Variants in GRHPR observed in about 807,000 individuals in gnomAD.
GRHPR encodes the protein glyoxylate reductase/hydroxypyruvate reductase.
In GRHPR, 35 loss-of-function variants were observed where a neutral mutation model predicts 36.8. That is an observed-to-expected ratio of 0.95 (90% CI 0.73 to 1.26). The LOEUF (loss-of-function observed/expected upper bound fraction) is 1.26. GRHPR is among the 50% of genes most tolerant of loss of function. The pLI, the probability that GRHPR is intolerant of heterozygous loss-of-function variation, is 0.00. For synonymous variants in GRHPR, 179 were observed against 181.0 expected, an observed-to-expected ratio of 0.99 and a Z score of 0.09; for missense variants, 380 against 435.0, an observed-to-expected ratio of 0.87 and a Z score of 1.12.
intron 4 of GRHPR, among the ~76,000 whole-genome samples, chr9:37,427,001 T>C (rs1466909539): frequency 4.0e-5 from 6 of 151,564 alleles, no homozygotes; most frequent in Non-Finnish European, 8.8e-5. Context: ...TTGGCTCTGC[T>C]CAGCACTGGA....
chr9:37,423,313 GCAAA>G (rs904025776), intron 1 of GRHPR, among the ~76,000 whole-genome samples: 9 of 149,986 alleles, frequency 6.0e-5, no homozygotes, highest in African/African-American at 2.2e-4. Context: ...GACTACAGGC[GCAAA>G]CAATCACTAC....
chr9:37,422,895 CGGGGCGTTTGGGCCTTGTGGCCGGCT>C, intron 1 of GRHPR, 62 bp downstream of exon 1: 2 of 1,276,008 alleles, frequency 1.6e-6, no homozygotes, highest in Middle Eastern at 2.6e-4. Context: ...GAGAGCCGGG[CGGGGCGTTTGGGCCTTGTGGCCGGCT>C]GGGGCAGGCT....
chr9:37,437,084 C>T (rs1048052550), downstream of GRHPR: 22 of 379,228 alleles, frequency 5.8e-5, no homozygotes, highest in Admixed American at 7.0e-4. Flanking sequence ...GGAGGCTGAG[C>T]GGGAAGGATC....
rs1180918113 is a variant in GRHPR, at chr9:37,432,075, C to A, written c.802C>A (p.Leu268Met). The A allele has an allele frequency of 1.2e-6, 2 of 1,614,010 alleles. No individual in the cohort carries two copies. Among genetic ancestry groups the A allele is most frequent in the Non-Finnish European group, 1.7e-6 (2 of 1,179,844 alleles). ...LASGKIAAAG[L>M]DVTSPEPLPT... ...CAGTGGTAAGATTGCAGCTGCTGGACTGGATGTGACGAGCCCAGAACCACT... is the reference window on the plus strand; with the variant it reads ...CAGTGGTAAGATTGCAGCTGCTGGAATGGATGTGACGAGCCCAGAACCACT... Residue 268 changes from leucine (L) to methionine (M), a missense_variant, in exon 8 of 9, where the codon CTG (leucine) becomes ATG (methionine). Leu to Met is a conservative substitution (Grantham distance 15, BLOSUM62 2). Transcript: ENST00000318158.
intron 5 of GRHPR, 98 bp from the exon 6 acceptor site, chr9:37,429,634 A>G (rs769180520): frequency 2.2e-5 from 19 of 845,322 alleles, no homozygotes; most frequent in Non-Finnish European, 3.9e-5. Context: ...TGTGCTGATG[A>G]AAAGGGTCTG....
intron 4 of GRHPR, among the ~76,000 whole-genome samples, 172 bp downstream of exon 4, chr9:37,426,826 C>T (rs536421184): frequency 2.7e-4 from 41 of 152,186 alleles, no homozygotes; most frequent in African/African-American, 9.9e-4. Flanking sequence ...TGGTGGGTCC[C>T]TGTAATCCCA....
At chr9:37,438,551 C>G (rs186280639), downstream of GRHPR, 1 of 152,234 alleles carries the variant, frequency 6.6e-6, no homozygotes, top group African/African-American at 2.4e-5. Flanking sequence ...CAGAGGTAAG[C>G]GGGCAGGCTC....
downstream of GRHPR, chr9:37,439,456 A>T (rs1446604760): frequency 6.6e-6 from 1 of 152,256 alleles, no homozygotes; most frequent in Admixed American, 6.5e-5. Flanking sequence ...GTACTGTTAA[A>T]AGTATAGTAT....
chr9:37,426,447 G>C (rs1476992385), intron 3 of GRHPR, 91 bp from the exon 4 acceptor site: 1 of 895,668 alleles, frequency 1.1e-6, no homozygotes, highest in African/African-American at 1.6e-5. Context: ...AGATCAAAGA[G>C]GGAGCAAAGT....
chr9:37,424,518 C>A (rs1235156214), intron 1 of GRHPR, among the ~76,000 whole-genome samples: 1 of 152,230 alleles, frequency 6.6e-6, no homozygotes, highest in Non-Finnish European at 1.5e-5. Flanking sequence ...GCACACCCTG[C>A]CCCCCACGGG....
At chr9:37,428,415 C>T (rs1311943729) in intron 4 of GRHPR, 69 bp from the exon 5 acceptor site, 7 of 1,008,248 alleles carry the variant, frequency 6.9e-6, no homozygotes, top group Non-Finnish European at 1.1e-5. Flanking sequence ...GTCAGAGGTG[C>T]CGGGTTCTCA....
chr9:37,429,125 G>A (rs988675786), intron 5 of GRHPR: 28 of 277,368 alleles, frequency 1.0e-4, no homozygotes, highest in Admixed American at 6.3e-4. Flanking sequence ...GCAGGGGTGC[G>A]GGTGAGGGTG....
chr9:37,437,423 G>GT (rs1823725863), downstream of GRHPR, among the ~76,000 whole-genome samples: 1 of 151,948 alleles, frequency 6.6e-6, no homozygotes, highest in East Asian at 1.9e-4. Context: ...TCCTTCACTT[G>GT]TCCCTCACCA....
intron 1 of GRHPR, among the ~76,000 whole-genome samples, chr9:37,424,009 C>G (rs1822962056): frequency 6.6e-6 from 1 of 152,176 alleles, no homozygotes; most frequent in South Asian, 2.1e-4. Flanking sequence ...TGCATTTGAT[C>G]AGGTTTGTGT....
intron 8 of GRHPR, chr9:37,434,433 A>C (rs887798154): frequency 1.7e-6 from 1 of 588,256 alleles, no homozygotes; most frequent in Non-Finnish European, 3.1e-6. Flanking sequence ...GACTGTGTAG[A>C]CCAATTGGGG....
At chr9:37,438,436 C>T (rs1327916684), downstream of GRHPR, 1 of 152,548 alleles carries the variant, frequency 6.6e-6, no homozygotes, top group Non-Finnish European at 1.5e-5. Context: ...AACTGACAGA[C>T]TAAGAGGTAG....
upstream of GRHPR, chr9:37,422,579 G>A (rs1822875879): frequency 1.5e-5 from 10 of 653,854 alleles, no homozygotes; most frequent in South Asian, 3.4e-5. Flanking sequence ...CCCCGAGCAC[G>A]CACAGTCACC....
intron 4 of GRHPR, chr9:37,428,074 G>T: frequency 6.1e-6 from 2 of 327,604 alleles, no homozygotes; most frequent in Admixed American, 4.3e-5. Context: ...CTTGCCCAGG[G>T]CAGCAGGGTG....
At chr9:37,428,753 A>G in intron 5 of GRHPR, 181 bp downstream of exon 5, 1 of 699,104 alleles carries the variant, frequency 1.4e-6, no homozygotes, top group Non-Finnish European at 2.6e-6. Flanking sequence ...AAATAAACCA[A>G]AGCAGGATTC....
Sources: gnomAD v4.1 joint callset for allele counts (sites outside exome capture counted in the v4.1 genomes callset) on GRCh38, gnomAD v4.1.1 for gene constraint, MANE v1.5 for transcripts, NCBI Gene and HGNC (gene_info 2026-07-23, HGNC 2026-07-21) for gene names.